The following SP140 variants were observed in gnomAD, a reference collection of about 807,000 sequenced individuals.
The protein encoded by SP140 is SP140 nuclear body protein.
A neutral mutation model predicts 125.0 loss-of-function variants in SP140; 81 were observed. That is an observed-to-expected ratio of 0.65 (90% CI 0.54 to 0.78). The LOEUF (loss-of-function observed/expected upper bound fraction) is 0.78, where lower values mean the gene tolerates loss of function less well. Among genes scored for constraint, SP140 ranks in the 30% least tolerant of loss-of-function variants. SP140 has a pLI of 0.00. For synonymous variants in SP140, 312 were observed against 354.0 expected (o/e 0.88, Z 1.33); for missense variants, 858 against 1,037.0 (o/e 0.83, Z 2.37).
At chr2:230,219,008 T>G (rs1414602408) in intron 3 of SP140, among the ~76,000 whole-genome samples, 1 of 152,178 alleles carries the variant, frequency 6.6e-6, no homozygotes, top group Non-Finnish European at 1.5e-5. Context: ...GCGGATCAGC[T>G]GAGGTCAGGA....
intron 1 of SP140, among the ~76,000 whole-genome samples, chr2:230,228,595 A>C (rs2046797131): frequency 6.6e-6 from 1 of 152,186 alleles, no homozygotes; most frequent in Admixed American, 6.5e-5. Context: ...CACATTAAGG[A>C]TTGTGTACCT....
intron 1 of SP140, chr2:230,230,670 T>G (rs1292435375): frequency 1.3e-5 from 2 of 152,264 alleles, no homozygotes; most frequent in African/African-American, 4.8e-5. Flanking sequence ...GTCAGTTAAT[T>G]TAGATTCCTC....
chr2:230,289,827 T>C (rs1456171055), intron 18 of SP140, among the ~76,000 whole-genome samples: 1 of 152,178 alleles, frequency 6.6e-6, no homozygotes, highest in Non-Finnish European at 1.5e-5. Flanking sequence ...CTGGAGTTCC[T>C]TTGAAGACCT....
chr2:230,212,128 G>A (rs967558801), intron 1 of SP140, among the ~76,000 whole-genome samples: 2 of 152,230 alleles, frequency 1.3e-5, no homozygotes, highest in African/African-American at 2.4e-5. Context: ...GGTCACTAGT[G>A]TGAGTGTTAC....
chr2:230,247,650 T>A (rs1196107274), intron 7 of SP140, among the ~76,000 whole-genome samples: 1 of 152,200 alleles, frequency 6.6e-6, no homozygotes, highest in Non-Finnish European at 1.5e-5. Flanking sequence ...CAATAACTAC[T>A]TGGGGTCATA....
intron 22 of SP140, among the ~76,000 whole-genome samples, chr2:230,298,998 C>G (rs568074534): frequency 6.6e-6 from 1 of 152,294 alleles, no homozygotes; most frequent in South Asian, 2.1e-4. Flanking sequence ...GTCTAATGTA[C>G]AGCCAGGCCA....
chr2:230,260,293 G>GT (rs988730912), intron 12 of SP140, among the ~76,000 whole-genome samples: 3 of 152,000 alleles, frequency 2.0e-5, no homozygotes, highest in Non-Finnish European at 2.9e-5. Context: ...GGGATTGTTT[G>GT]TTTTTTTCTT....
At position 230,269,626 on chromosome 2, in the gene SP140, T is replaced by C. The variant is rs1303879477; in HGVS notation, c.1327+8T>C. 1.4e-6 allele frequency: 2 copies of C among 1,479,778 alleles called. No individual in the cohort carries two copies. The highest frequency in any genetic ancestry group is 1.3e-5 in the South Asian group (1 of 79,592). 91.7% of individuals were successfully genotyped at this position (1,479,778 alleles called of 1,614,324 possible). A position where few individuals can be genotyped will look rare whatever the true frequency, so the allele number is the denominator to read the frequency against. ...TATATGATAATGTACCAGGTAATTA[T>C]GACTTAAAAATAGTGAAAACAGAAA... is the stretch of plus-strand genomic sequence containing the variant. On this transcript the variant is annotated splice_region_variant and intron_variant, in intron 13 of 26. Transcript: ENST00000392045.
At chr2:230,207,681 A>T (rs2044019990) in intron 1 of SP140, among the ~76,000 whole-genome samples, 1 of 152,142 alleles carries the variant, frequency 6.6e-6, no homozygotes, top group Non-Finnish European at 1.5e-5. Flanking sequence ...AATCCTGTCA[A>T]CAATACCTGC....
chr2:230,245,810 T>C, intron 6 of SP140, 53 bp from the exon 7 acceptor site: 4 of 1,119,042 alleles, frequency 3.6e-6, no homozygotes, highest in Non-Finnish European at 5.5e-6. Context: ...TGGATCCAGG[T>C]AGGTGTCCAG....
Position 230,288,804 on chromosome 2 carries a change from C to CT in SP140, c.1720+843dup, listed in dbSNP as rs1432517751. Among the ~76,000 whole-genome samples the CT allele has an allele frequency of 2.0e-4, 30 of 152,248 alleles. 1 individual carries two copies. Among genetic ancestry groups the CT allele is most frequent in the Non-Finnish European group, 4.3e-4 (29 of 68,012 alleles). On this transcript the variant is annotated intron_variant, in intron 18 of 26. Coordinates refer to ENST00000392045, the MANE Select transcript of SP140 (RefSeq NM_007237.5). ...TCCCTGTAAAGGACAGGAACTCATT[C>CT]TTTTTCATGGCTGCATAGTATTTCA... is the stretch of plus-strand genomic sequence containing the variant.
chr2:230,196,693 TC>T, the SP140 span, among the ~76,000 whole-genome samples: 1 of 139,312 alleles, frequency 7.2e-6, no homozygotes, highest in Non-Finnish European at 1.5e-5. Flanking sequence ...CCCTCCCTCC[TC>T]CCCGCACCCC....
intron 15 of SP140, among the ~76,000 whole-genome samples, chr2:230,277,059 G>A (rs1426154876): frequency 6.6e-6 from 1 of 152,260 alleles, no homozygotes; most frequent in East Asian, 1.9e-4. Context: ...GAACATTGTT[G>A]AAATGACAAC....
chr2:230,244,994 C>T lies in SP140; in HGVS notation c.578C>T (p.Ser193Phe). The T allele has an allele frequency of 1.9e-6, 3 of 1,611,724 alleles. No homozygotes were observed. The highest frequency in any genetic ancestry group is 1.7e-6 in the Non-Finnish European group (2 of 1,178,506). The change falls in exon 6 of 27, where the codon TCT (serine) becomes TTT (phenylalanine). Residue 193 changes from serine (S) to phenylalanine (F), a missense_variant. Ser to Phe is a radical substitution (Grantham distance 155). This residue lies in a region of SP140 where 791 missense variants were observed against 869.5 expected (regional missense o/e 0.91). Coordinates refer to ENST00000392045, the MANE Select transcript of SP140 (RefSeq NM_007237.5). ...SSSPRCEPGF[S>F]SESCEQLALP... ...GTGCCTTGTTTATTTCCAGGTTTCT[C>T]TTCAGAGTCTTGTGAGCAGTTAGCT... is the stretch of plus-strand genomic sequence containing the variant.
chr2:230,214,222 A>T (rs1020322023), intron 3 of SP140: 1 of 151,842 alleles, frequency 6.6e-6, no homozygotes, highest in Non-Finnish European at 1.5e-5. Flanking sequence ...TTCTTTCTCT[A>T]CGTACTTCAT....
At chr2:230,272,432 G>C (rs1003050171) in intron 15 of SP140, among the ~76,000 whole-genome samples, 1 of 152,136 alleles carries the variant, frequency 6.6e-6, no homozygotes, top group African/African-American at 2.4e-5. Context: ...GCAGGTAATT[G>C]AATCATAGGG....
intron 1 of SP140, among the ~76,000 whole-genome samples, chr2:230,231,560 A>G (rs2047247676): frequency 6.6e-6 from 1 of 152,148 alleles, no homozygotes; most frequent in South Asian, 2.1e-4. Context: ...TTCCAGCTGT[A>G]ATCTGCTCTT....
intron 23 of SP140, 59 bp downstream of exon 23, chr2:230,310,098 C>A: frequency 2.0e-6 from 3 of 1,528,890 alleles, no homozygotes; most frequent in Non-Finnish European, 2.7e-6. Flanking sequence ...ACCTGCCATG[C>A]GCACTCTCCA....
Position 230,236,436 on chromosome 2 carries a change from G to C in SP140, c.60-647G>C, listed in dbSNP as rs189325831. ...AGAACCAATAGGATGTGTATATACA[G>C]AGAAAGAGATTTGTTATAAGGAATT... On this transcript the variant is annotated intron_variant, in intron 1 of 26. Transcript: ENST00000392045. 6.6e-5 allele frequency among the ~76,000 whole-genome samples: 10 copies of C among 152,328 alleles called. No homozygotes were observed. The East Asian group carries it at 1.9e-3, about 29-fold the overall frequency.
Sources: gnomAD v4.1 joint callset for allele counts (sites outside exome capture counted in the v4.1 genomes callset) on GRCh38, gnomAD v4.1.1 for gene constraint, gnomAD v4.1.1 regional missense constraint, MANE v1.5 for transcripts, NCBI Gene and HGNC (gene_info 2026-07-23, HGNC 2026-07-21) for gene names.